The following SLC8A1 variants were observed in gnomAD, a reference collection of about 807,000 sequenced individuals.
SLC8A1 encodes the protein sodium/calcium exchanger 1.
In SLC8A1, 18 loss-of-function variants were observed where a neutral mutation model predicts 68.3. The observed-to-expected ratio is 0.26, with a 90% CI of 0.18 to 0.39. The LOEUF is 0.39. Among genes scored for constraint, SLC8A1 ranks in the 10% least tolerant of loss-of-function variants. The pLI, the probability that SLC8A1 is intolerant of heterozygous loss-of-function variation, is 1.00. For missense variants in SLC8A1, 985 were observed against 1,156.7 expected, an observed-to-expected ratio of 0.85 and a Z score of 2.15; for synonymous variants, 475 against 415.5, an observed-to-expected ratio of 1.14 and a Z score of -1.74.
intron 1 of SLC8A1, among the ~76,000 whole-genome samples, chr2:40,442,397 C>CAAAAAAAAAAAAAAAAA (rs550977492): frequency 1.3e-5 from 1 of 75,744 alleles, no homozygotes; most frequent in Non-Finnish European, 2.7e-5. Context: ...CTTAAATTTA[C>CAAAAAAAAAAAAAAAAA]AAAAAAAAAA....
intron 2 of SLC8A1, among the ~76,000 whole-genome samples, chr2:40,266,440 G>T (rs1193747087): frequency 2.0e-5 from 3 of 152,128 alleles, no homozygotes; most frequent in African/African-American, 4.8e-5. Flanking sequence ...GATCATTAAG[G>T]TTGGGGTAAA....
chr2:40,116,509 G>A lies in SLC8A1; in HGVS notation c.2438-880C>T, dbSNP rs544794212. Among the ~76,000 whole-genome samples, 44 of 148,790 alleles carry A rather than the reference G, an allele frequency of 3.0e-4. 1 individual carries two copies. The South Asian group carries it at 9.7e-3, about 33-fold the overall frequency. Reference sequence around the variant, plus strand: ...CCCAGAGTGTGATGTTCCCCTTCCTGTGTCCATGTGATCTCACTGTTCAAT... The same window carrying A: ...CCCAGAGTGTGATGTTCCCCTTCCTATGTCCATGTGATCTCACTGTTCAAT... On this transcript the variant is annotated intron_variant, in intron 7 of 7. Transcript: ENST00000406785.
At chr2:40,214,386 A>G (rs1226378574) in intron 2 of SLC8A1, among the ~76,000 whole-genome samples, 1 of 151,096 alleles carries the variant, frequency 6.6e-6, no homozygotes, top group African/African-American at 2.4e-5. Context: ...TATGCTTTCC[A>G]GGCCCCGTGT....
In SLC8A1 at chr2:40,264,927, G is replaced by T. The variant is rs576468517; in HGVS notation, c.1809-87072C>A. 2.0e-5 allele frequency among the ~76,000 whole-genome samples: 3 copies of T among 152,316 alleles called. No homozygotes were observed. In the East Asian group the frequency reaches 5.8e-4, roughly 29 times the overall value. ...GAGGACAGCAGTACTGTATCATTTT[G>T]CAGGTAAGAAAACTGAGGCTTAGAG... On this transcript the variant is annotated intron_variant, in intron 2 of 7. Coordinates refer to ENST00000406785, the Ensembl canonical transcript of SLC8A1.
intron 6 of SLC8A1, among the ~76,000 whole-genome samples, chr2:40,148,840 A>G (rs1317116143): frequency 1.3e-5 from 2 of 152,346 alleles, no homozygotes; most frequent in Non-Finnish European, 2.9e-5. Context: ...GGTGGAATTC[A>G]GATGGAGCAT....
At chr2:40,288,476 T>A (rs1479246290) in intron 2 of SLC8A1, among the ~76,000 whole-genome samples, 1 of 151,928 alleles carries the variant, frequency 6.6e-6, no homozygotes, top group African/African-American at 2.4e-5. Context: ...GCTAATATTC[T>A]CCCCAGCCCC....
chr2:40,321,540 T>A (rs2075188682), intron 2 of SLC8A1, among the ~76,000 whole-genome samples: 1 of 151,810 alleles, frequency 6.6e-6, no homozygotes, highest in Non-Finnish European at 1.5e-5. Flanking sequence ...AGAAAAGAGG[T>A]TTAATTGACT....
intron 2 of SLC8A1, among the ~76,000 whole-genome samples, chr2:40,312,371 G>T (rs201653861): frequency 1.3e-5 from 2 of 151,984 alleles, no homozygotes; most frequent in African/African-American, 4.8e-5. Flanking sequence ...TTCATCATAG[G>T]TTATATTAAT....
At chr2:40,101,539 G>A (rs2033894115) in exon 8 of SLC8A1, 1 of 151,060 alleles carries the variant, frequency 6.6e-6, no homozygotes, top group Non-Finnish European at 1.5e-5. Context: ...ATCTCTGACT[G>A]GAGAGGCTGC....
intron 2 of SLC8A1, among the ~76,000 whole-genome samples, chr2:40,354,542 T>A (rs1672101156): frequency 6.6e-6 from 1 of 152,112 alleles, no homozygotes; most frequent in African/African-American, 2.4e-5. Flanking sequence ...AGTCTTTAGT[T>A]GATGGCTTGG....
chr2:40,385,595 C>G (rs1210306646), intron 2 of SLC8A1, among the ~76,000 whole-genome samples: 1 of 151,084 alleles, frequency 6.6e-6, no homozygotes, highest in East Asian at 1.9e-4. Context: ...CCATGAGGAG[C>G]AACATAAAAC....
chr2:40,414,401 T>C (rs1479998313), intron 2 of SLC8A1, among the ~76,000 whole-genome samples: 5 of 152,298 alleles, frequency 3.3e-5, no homozygotes, highest in African/African-American at 9.6e-5. Context: ...CCCCAGCACA[T>C]TGGGACCAGT....
At chr2:40,364,734 A>G (rs1297130242) in intron 2 of SLC8A1, among the ~76,000 whole-genome samples, 1 of 152,124 alleles carries the variant, frequency 6.6e-6, no homozygotes, top group Non-Finnish European at 1.5e-5. Flanking sequence ...TCTGCTCATT[A>G]AAGAGAAGCC....
At chr2:40,338,888 A>T (rs1365220959) in intron 2 of SLC8A1, among the ~76,000 whole-genome samples, 3 of 144,288 alleles carry the variant, frequency 2.1e-5, no homozygotes, top group African/African-American at 8.6e-5. Context: ...ATATGAGAAC[A>T]ACTAAACTAA....
At chr2:40,266,606 T>G (rs1291488795) in intron 2 of SLC8A1, among the ~76,000 whole-genome samples, 1 of 152,150 alleles carries the variant, frequency 6.6e-6, no homozygotes, top group African/African-American at 2.4e-5. Flanking sequence ...TAGGACAGAT[T>G]TTCCCAAGGA....
chr2:40,458,789 A>C (rs1703172662), intron 1 of SLC8A1, among the ~76,000 whole-genome samples: 1 of 152,190 alleles, frequency 6.6e-6, no homozygotes. Context: ...AAGTCAGAGA[A>C]TCTCTTATCT....
chr2:40,484,526 A>G (rs1390301403), intron 1 of SLC8A1, among the ~76,000 whole-genome samples: 5 of 152,218 alleles, frequency 3.3e-5, no homozygotes, highest in African/African-American at 1.2e-4. Context: ...CCGCATAAAT[A>G]GCACCCCTTA....
chr2:40,431,405 T>C (rs1308184774), intron 1 of SLC8A1, among the ~76,000 whole-genome samples: 1 of 151,982 alleles, frequency 6.6e-6, no homozygotes, highest in Non-Finnish European at 1.5e-5. Flanking sequence ...GATGAAGGAC[T>C]GTAGGCAAGG....
At chr2:40,166,502 C>T (rs2046578748) in intron 4 of SLC8A1, among the ~76,000 whole-genome samples, 1 of 152,054 alleles carries the variant, frequency 6.6e-6, no homozygotes, top group Non-Finnish European at 1.5e-5. Flanking sequence ...TTTGGACTGG[C>T]CAGAAGCTGC....
Sources: gnomAD v4.1 joint callset for allele counts (sites outside exome capture counted in the v4.1 genomes callset) on GRCh38, gnomAD v4.1.1 for gene constraint, MANE v1.5 for transcripts, NCBI Gene and HGNC (gene_info 2026-07-23, HGNC 2026-07-21) for gene names.